The following SLC9C2 variants were observed in gnomAD, a reference collection of about 807,000 sequenced individuals.
SLC9C2 encodes solute carrier family 9 member C2 (putative), also known as sodium/hydrogen exchanger 11.
Under a neutral mutation model 140.2 loss-of-function variants are expected in SLC9C2, and 75 were observed. The observed-to-expected ratio is 0.53, with a 90% CI of 0.44 to 0.65. SLC9C2 has a LOEUF of 0.65. SLC9C2 is among the 30% of genes least tolerant of loss of function. SLC9C2 has a pLI of 0.00. For missense variants in SLC9C2, 1,074 were observed against 1,331.8 expected, an observed-to-expected ratio of 0.81 and a Z score of 3.01; for synonymous variants, 375 against 420.9, an observed-to-expected ratio of 0.89 and a Z score of 1.34.
chr1:173,520,833 G>C (rs1032193404), intron 22 of SLC9C2, among the ~76,000 whole-genome samples: 1 of 152,120 alleles, frequency 6.6e-6, no homozygotes, highest in East Asian at 1.9e-4. Context: ...TGGGGCTCAC[G>C]CATGAAACCA....
intron 9 of SLC9C2, among the ~76,000 whole-genome samples, chr1:173,562,687 C>T (rs1002999066): frequency 6.6e-6 from 1 of 152,072 alleles, no homozygotes; most frequent in Non-Finnish European, 1.5e-5. Context: ...GAAATCTGCA[C>T]GTATTTAGCA....
chr1:173,547,926 T>C (rs903153857), intron 12 of SLC9C2, 142 bp from the exon 13 acceptor site: 1 of 627,462 alleles, frequency 1.6e-6, no homozygotes, highest in South Asian at 2.4e-5. Context: ...AGCTATGTAA[T>C]GTTTTTTCAT....
At chr1:173,504,299 G>C (rs565092981) in intron 26 of SLC9C2, among the ~76,000 whole-genome samples, 1 of 152,224 alleles carries the variant, frequency 6.6e-6, no homozygotes, top group East Asian at 1.9e-4. Flanking sequence ...TTGAATATCT[G>C]TCTCTCCTCC....
intron 13 of SLC9C2, among the ~76,000 whole-genome samples, chr1:173,544,208 G>C (rs1662661965): frequency 6.6e-6 from 1 of 152,152 alleles, no homozygotes; most frequent in African/African-American, 2.4e-5. Context: ...GATATGAACA[G>C]CCACTTCTCA....
At chr1:173,543,247 A>G (rs1212764123) in intron 13 of SLC9C2, among the ~76,000 whole-genome samples, 2 of 152,196 alleles carry the variant, frequency 1.3e-5, no homozygotes, top group African/African-American at 4.8e-5. Context: ...GTGAACTCCC[A>G]TTCACTATTG....
At chr1:173,540,665 T>C (rs574230681) in intron 13 of SLC9C2, among the ~76,000 whole-genome samples, 1 of 152,314 alleles carries the variant, frequency 6.6e-6, no homozygotes, top group East Asian at 1.9e-4. Flanking sequence ...ATGAATCTGC[T>C]AAGAGGATTT....
rs146332693 is a variant in SLC9C2 at position 173,521,477 on chromosome 1, CTA to C, written c.2641-80_2641-79del. ...CCTAGTCTACTTTTCTAAATATTTT[CTA>C]TATATATATATATATATATGATTTT... On this transcript the variant is annotated intron_variant, in intron 21 of 27. Transcript: ENST00000367714. 685 of 253,876 alleles carry C rather than the reference CTA, an allele frequency of 2.7e-3. 1 individual carries two copies. The highest frequency in any genetic ancestry group is 3.7e-3 in the Non-Finnish European group (495 of 132,024). 15.7% of individuals were successfully genotyped at this position (253,876 alleles called of 1,614,324 possible).
intron 15 of SLC9C2, among the ~76,000 whole-genome samples, chr1:173,535,533 T>A (rs1661886639): frequency 6.6e-6 from 1 of 152,194 alleles, no homozygotes; most frequent in Non-Finnish European, 1.5e-5. Context: ...CTGCTCTATG[T>A]TATATCCAGA....
At chr1:173,557,318 CA>C (rs1298177498) in intron 10 of SLC9C2, 21 bp downstream of exon 10, 1 of 1,596,948 alleles carries the variant, frequency 6.3e-7, no homozygotes. Flanking sequence ...TATGAATAAT[CA>C]TGAGACATGA....
At chr1:173,593,195 C>T (rs866289695) in intron 4 of SLC9C2, among the ~76,000 whole-genome samples, 3 of 152,226 alleles carry the variant, frequency 2.0e-5, no homozygotes, top group African/African-American at 2.4e-5. Context: ...AAACAGCTAA[C>T]AACACAATGA....
chr1:173,521,290 T>C lies in SLC9C2; in HGVS notation c.2739+11A>G, dbSNP rs1660792113. ...AAGTAAAAAAAAAAAAAAAAATCAATAGTCCCTTACAATTGCCATTCCTGA... is the reference window on the plus strand; with the variant it reads ...AAGTAAAAAAAAAAAAAAAAATCAACAGTCCCTTACAATTGCCATTCCTGA... On this transcript the variant is annotated intron_variant, in intron 22 of 27. Transcript: ENST00000367714. The C allele has an allele frequency of 7.4e-6, 10 of 1,345,030 alleles. No individual in the cohort carries two copies. The highest frequency in any genetic ancestry group is 9.1e-6 in the Non-Finnish European group (9 of 986,930). 83.3% of individuals were successfully genotyped at this position (1,345,030 alleles called of 1,614,324 possible). A position where few individuals can be genotyped will look rare whatever the true frequency, so the allele number is the denominator to read the frequency against.
At chr1:173,583,721 A>G (rs958706080) in intron 5 of SLC9C2, 99 bp from the exon 6 acceptor site, 3 of 688,022 alleles carry the variant, frequency 4.4e-6, no homozygotes, top group African/African-American at 3.7e-5. Flanking sequence ...AAAAAGAAAA[A>G]AGAGAAAGAA....
intron 4 of SLC9C2, among the ~76,000 whole-genome samples, chr1:173,590,545 T>C (rs1325697577): frequency 6.6e-6 from 1 of 152,216 alleles, no homozygotes; most frequent in East Asian, 1.9e-4. Flanking sequence ...ATGTTTAATT[T>C]ATAAATTAGG....
chr1:173,552,319 T>G (rs985973172), intron 11 of SLC9C2, among the ~76,000 whole-genome samples: 6 of 152,334 alleles, frequency 3.9e-5, no homozygotes, highest in Admixed American at 3.3e-4. Flanking sequence ...CTAGCTGAGA[T>G]CATTGATGAA....
At chr1:173,531,771 A>G (rs1169293415) in intron 17 of SLC9C2, among the ~76,000 whole-genome samples, 1 of 152,098 alleles carries the variant, frequency 6.6e-6, no homozygotes, top group African/African-American at 2.4e-5. Context: ...ACAATAATAC[A>G]CTTTTAAATC....
chr1:173,585,812 A>T (rs139537833), intron 5 of SLC9C2, among the ~76,000 whole-genome samples: 6 of 152,182 alleles, frequency 3.9e-5, no homozygotes, highest in Non-Finnish European at 7.4e-5. Flanking sequence ...ACTAAAAAAT[A>T]CAAAAATTAT....
intron 23 of SLC9C2, among the ~76,000 whole-genome samples, chr1:173,510,696 T>C (rs938111652): frequency 1.3e-5 from 2 of 152,242 alleles, no homozygotes; most frequent in African/African-American, 4.8e-5. Context: ...CAGTATTCCA[T>C]GGTGTGTATG....
At chr1:173,552,940 C>T (rs191983700) in intron 11 of SLC9C2, among the ~76,000 whole-genome samples, 158 of 152,244 alleles carry the variant, frequency 1.0e-3, no homozygotes, top group African/African-American at 3.6e-3. Context: ...AATAAAAAAC[C>T]TCATGGATAG....
intron 23 of SLC9C2, among the ~76,000 whole-genome samples, chr1:173,515,042 C>CT (rs1464461674): frequency 6.6e-6 from 1 of 152,142 alleles, no homozygotes; most frequent in Non-Finnish European, 1.5e-5. Context: ...GATGGGCTTC[C>CT]TTTTGTAGGT....
Sources: gnomAD v4.1 joint callset for allele counts (sites outside exome capture counted in the v4.1 genomes callset) on GRCh38, gnomAD v4.1.1 for gene constraint, MANE v1.5 for transcripts, NCBI Gene and HGNC (gene_info 2026-07-23, HGNC 2026-07-21) for gene names.